The following PDE1A variants were observed in gnomAD, a reference collection of about 807,000 sequenced individuals.
PDE1A encodes the protein phosphodiesterase 1A.
A neutral mutation model predicts 61.7 loss-of-function variants in PDE1A; 35 were observed. The observed-to-expected ratio is 0.57, with a 90% CI of 0.43 to 0.75. The LOEUF (loss-of-function observed/expected upper bound fraction) is 0.75, where lower values mean the gene tolerates loss of function less well. Ranked by LOEUF, PDE1A falls within the 30% of genes least tolerant of loss-of-function variation. The pLI is 0.00. For missense variants in PDE1A, 597 were observed against 630.6 expected (o/e 0.95, Z 0.57); for synonymous variants, 232 against 213.2 (o/e 1.09, Z -0.77).
chr2:182,145,482 C>T (rs1380298587), downstream of PDE1A, among the ~76,000 whole-genome samples: 3 of 152,178 alleles, frequency 2.0e-5, no homozygotes, highest in East Asian at 5.8e-4. Context: ...AATCCTAACA[C>T]TTTGGGAGGC....
rs1257800166 is a variant in PDE1A, at chr2:182,168,041, AT to A, written c.*205del. ...AGGTGCTGATGTAGCCACTAGATGA[AT>A]CTGTTCGGTAGCAGTTGAGCCCGGT... On this transcript the variant is annotated 3_prime_UTR_variant, in exon 14 of 14. Coordinates refer to ENST00000351439, the Ensembl canonical transcript of PDE1A. 7.1e-6 allele frequency: 9 copies of A among 1,259,394 alleles called. No individual in the cohort carries two copies. In the Admixed American group the frequency reaches 3.1e-4, roughly 44 times the overall value. 78.0% of individuals were successfully genotyped at this position (1,259,394 alleles called of 1,614,324 possible). A position where few individuals can be genotyped will look rare whatever the true frequency, so the allele number is the denominator to read the frequency against.
chr2:182,663,822 A>C, the PDE1A span, among the ~76,000 whole-genome samples: 1 of 152,008 alleles, frequency 6.6e-6, no homozygotes, highest in African/African-American at 2.4e-5. Context: ...CCTGAACTTA[A>C]AAGTTAAAAA....
chr2:182,540,139 G>A, the PDE1A span, among the ~76,000 whole-genome samples: 2 of 151,998 alleles, frequency 1.3e-5, no homozygotes, highest in Non-Finnish European at 2.9e-5. Context: ...CGAGGCAGGC[G>A]GATCATTTGA....
rs530627185 is a variant in PDE1A at position 182,189,598 on chromosome 2, C to T, written c.1126-538G>A. On this transcript the variant is annotated intron_variant, in intron 10 of 13. Coordinates refer to ENST00000351439, the Ensembl canonical transcript of PDE1A. ...CTTCAACATTCTTACATTCAGTGTGCATAAACTTATTTTAATGTTTTCTTC... is the reference window on the plus strand; with the variant it reads ...CTTCAACATTCTTACATTCAGTGTGTATAAACTTATTTTAATGTTTTCTTC... Among the ~76,000 whole-genome samples, 71 of 144,490 alleles carry T rather than the reference C, an allele frequency of 4.9e-4. No individual in the cohort carries two copies. The South Asian group carries it at 0.01, about 21-fold the overall frequency. 94.8% of individuals were successfully genotyped at this position (144,490 alleles called of 152,430 possible).
chr2:182,705,599 C>T, the PDE1A span, among the ~76,000 whole-genome samples: 14 of 151,960 alleles, frequency 9.2e-5, no homozygotes, highest in African/African-American at 3.4e-4. Context: ...CTGCAACTGA[C>T]GCCTCCTAGG....
intron 13 of PDE1A, among the ~76,000 whole-genome samples, chr2:182,179,114 AG>A (rs1684531264): frequency 6.6e-6 from 1 of 152,212 alleles, no homozygotes; most frequent in Non-Finnish European, 1.5e-5. Flanking sequence ...TCAAACAGGT[AG>A]CATGAGGACA....
At chr2:182,199,584 T>C (rs954549146) in intron 10 of PDE1A, among the ~76,000 whole-genome samples, 2 of 152,090 alleles carry the variant, frequency 1.3e-5, no homozygotes, top group African/African-American at 4.8e-5. Flanking sequence ...ATTTTTCTGT[T>C]TTTGCATCTC....
chr2:182,466,300 G>A (rs1338825637), intron 2 of PDE1A, among the ~76,000 whole-genome samples: 1 of 151,920 alleles, frequency 6.6e-6, no homozygotes, highest in Admixed American at 6.6e-5. Flanking sequence ...GAACCTAAAA[G>A]GCATCCTATT....
At chr2:182,689,559 G>A in the PDE1A span, among the ~76,000 whole-genome samples, 9 of 152,128 alleles carry the variant, frequency 5.9e-5, no homozygotes, top group African/African-American at 2.2e-4. Context: ...AGCGCTAAAT[G>A]CCCACAAGAG....
chr2:182,584,144 G>C, the PDE1A span, among the ~76,000 whole-genome samples: 1 of 151,854 alleles, frequency 6.6e-6, no homozygotes. Flanking sequence ...GTTGGACTTA[G>C]AGAGACTTCA....
intron 1 of PDE1A, among the ~76,000 whole-genome samples, chr2:182,425,682 G>A (rs1017333778): frequency 7.9e-5 from 12 of 151,904 alleles, no homozygotes; most frequent in Admixed American, 4.6e-4. Context: ...TTGCTCATAC[G>A]TTTTATCATC....
chr2:182,631,258 G>A, the PDE1A span, among the ~76,000 whole-genome samples: 1 of 151,026 alleles, frequency 6.6e-6, no homozygotes, highest in Non-Finnish European at 1.5e-5. Flanking sequence ...GGCAAAGGAA[G>A]GGTGACTCCA....
intron 2 of PDE1A, among the ~76,000 whole-genome samples, chr2:182,518,152 A>G (rs1318476159): frequency 6.6e-6 from 1 of 152,220 alleles, no homozygotes; most frequent in African/African-American, 2.4e-5. Context: ...TGTCTTATCT[A>G]TAATGCACCT....
intron 3 of PDE1A, among the ~76,000 whole-genome samples, chr2:182,239,316 C>T (rs543341249): frequency 6.6e-6 from 1 of 152,218 alleles, no homozygotes; most frequent in East Asian, 1.9e-4. Context: ...CTAAAATATT[C>T]AAATAATCAT....
At chr2:182,483,781 A>C (rs1687844890) in intron 2 of PDE1A, among the ~76,000 whole-genome samples, 1 of 151,948 alleles carries the variant, frequency 6.6e-6, no homozygotes, top group Admixed American at 6.6e-5. Context: ...AGATCCAGAA[A>C]TCAATTACAT....
chr2:182,487,980 G>A (rs552632686), intron 2 of PDE1A, among the ~76,000 whole-genome samples: 9 of 152,256 alleles, frequency 5.9e-5, no homozygotes, highest in African/African-American at 1.9e-4. Flanking sequence ...GTCAAGATCT[G>A]AATATACCAC....
downstream of PDE1A, chr2:182,167,859 G>A: frequency 1.0e-6 from 1 of 995,586 alleles, no homozygotes; most frequent in East Asian, 9.3e-5. Flanking sequence ...CTACATTTTT[G>A]ACGTTTAGAA....
chr2:182,465,453 A>G (rs550160130), intron 2 of PDE1A, among the ~76,000 whole-genome samples: 1 of 152,180 alleles, frequency 6.6e-6, no homozygotes, highest in South Asian at 2.1e-4. Flanking sequence ...AATTATATTG[A>G]TACATTCAAT....
chr2:182,169,533 G>C (rs1285084334), intron 13 of PDE1A, among the ~76,000 whole-genome samples: 1 of 151,994 alleles, frequency 6.6e-6, no homozygotes, highest in Non-Finnish European at 1.5e-5. Context: ...CCATCTGCTA[G>C]GGTTCCTGTT....
Sources: gnomAD v4.1 joint callset for allele counts (sites outside exome capture counted in the v4.1 genomes callset) on GRCh38, gnomAD v4.1.1 for gene constraint, MANE v1.5 for transcripts, NCBI Gene and HGNC (gene_info 2026-07-23, HGNC 2026-07-21) for gene names.